KSR2: variants seen among roughly 807,000 people sequenced by gnomAD.
KSR2 encodes kinase suppressor of ras 2.
A neutral mutation model predicts 107.8 loss-of-function variants in KSR2; 25 were observed. The ratio of observed to expected loss-of-function variants is 0.23; its 90% CI spans 0.17 to 0.32. The LOEUF (loss-of-function observed/expected upper bound fraction) is 0.32, where lower values mean the gene tolerates loss of function less well. Among genes scored for constraint, KSR2 ranks in the 10% least tolerant of loss-of-function variants. The probability of loss-of-function intolerance (pLI) is 1.00; values close to 1 mark genes in which losing one functional copy is unlikely to be tolerated. For synonymous variants in KSR2, 480 were observed against 507.0 expected (o/e 0.95, Z 0.71); for missense variants, 887 against 1,268.9 (o/e 0.70, Z 4.57).
At chr12:117,674,422 T>C (rs1565955219) in intron 4 of KSR2, 1 of 455,992 alleles carries the variant, frequency 2.2e-6, no homozygotes, top group East Asian at 7.0e-5. Flanking sequence ...AGCATTAAGT[T>C]CATTCATATT....
chr12:117,479,506 A>G (rs1488552318), intron 16 of KSR2, among the ~76,000 whole-genome samples: 1 of 152,200 alleles, frequency 6.6e-6, no homozygotes, highest in Non-Finnish European at 1.5e-5. Flanking sequence ...GATGGTCAGC[A>G]GCATCCCTGG....
intron 1 of KSR2, among the ~76,000 whole-genome samples, chr12:117,957,300 C>G (rs927880641): frequency 6.6e-6 from 1 of 152,176 alleles, no homozygotes; most frequent in African/African-American, 2.4e-5. Context: ...TGTAAAGGAG[C>G]AACAACCACG....
In KSR2 at chr12:117,907,997, CAAG is replaced by C. The variant is rs1894906358; in HGVS notation, c.181-47569_181-47567del. Among the ~76,000 whole-genome samples the C allele has an allele frequency of 6.6e-6, 1 of 151,822 alleles. No homozygotes were observed. Among genetic ancestry groups the C allele is most frequent in the African/African-American group, 2.4e-5 (1 of 41,300 alleles). On this transcript the variant is annotated intron_variant, in intron 1 of 19. Coordinates refer to ENST00000339824, the MANE Select transcript of KSR2 (RefSeq NM_173598.6). This position sits in a 1 kb window ranked among gnomAD's most constrained non-coding sequence, Gnocchi z 4.3. ...TAAAACTAAAGGGATAATTAGTTTC[CAAG>C]AAGGAAGAATGTAAATAAGAAAAGG...
At chr12:117,843,929 CTTT>C (rs58326707) in intron 3 of KSR2, among the ~76,000 whole-genome samples, 3 of 127,528 alleles carry the variant, frequency 2.4e-5, no homozygotes, top group Non-Finnish European at 1.6e-5. Flanking sequence ...TTAAGCTTCC[CTTT>C]TTTTTTTTTT....
At chr12:117,631,030 T>C (rs1882782987) in intron 5 of KSR2, among the ~76,000 whole-genome samples, 1 of 152,138 alleles carries the variant, frequency 6.6e-6, no homozygotes, top group African/African-American at 2.4e-5. Flanking sequence ...AAATATTTGT[T>C]GAGTAAGCCA....
chr12:117,680,214 C>CT (rs1396029695), intron 4 of KSR2, among the ~76,000 whole-genome samples: 2 of 152,186 alleles, frequency 1.3e-5, no homozygotes, highest in Non-Finnish European at 2.9e-5. Flanking sequence ...GCCACTGTGA[C>CT]TGGGTTATGG....
intron 7 of KSR2, among the ~76,000 whole-genome samples, chr12:117,571,900 T>C (rs773723458): frequency 1.3e-5 from 2 of 152,116 alleles, no homozygotes; most frequent in Non-Finnish European, 2.9e-5. Context: ...CAACTCACTC[T>C]TGGGATGATG....
intron 1 of KSR2, among the ~76,000 whole-genome samples, chr12:117,927,861 C>T (rs1399760979): frequency 1.3e-5 from 2 of 152,106 alleles, no homozygotes; most frequent in Non-Finnish European, 2.9e-5. Context: ...ATAAAATACA[C>T]CATTTAAGTG....
chr12:117,888,349 TC>T (rs1484011995), intron 1 of KSR2, among the ~76,000 whole-genome samples: 1 of 152,164 alleles, frequency 6.6e-6, no homozygotes, highest in African/African-American at 2.4e-5. Context: ...GGACAAATAC[TC>T]TATGACTCCA....
At chr12:117,566,146 C>T (rs189253541) in intron 7 of KSR2, among the ~76,000 whole-genome samples, 2 of 152,116 alleles carry the variant, frequency 1.3e-5, no homozygotes, top group East Asian at 1.9e-4. Flanking sequence ...TCAAGTAGGC[C>T]GCCATGTCTA....
intron 3 of KSR2, among the ~76,000 whole-genome samples, chr12:117,787,510 G>A (rs1205074136): frequency 6.6e-6 from 1 of 152,040 alleles, no homozygotes; most frequent in Non-Finnish European, 1.5e-5. Flanking sequence ...GCACATGCCT[G>A]TAATCCCAGC....
intron 14 of KSR2, among the ~76,000 whole-genome samples, chr12:117,516,161 C>A (rs1874364582): frequency 6.6e-6 from 1 of 152,134 alleles, no homozygotes; most frequent in Non-Finnish European, 1.5e-5. Flanking sequence ...CTCCTCTTTT[C>A]CCCAGATGAC....
chr12:117,800,502 G>T (rs1169717753), intron 3 of KSR2, among the ~76,000 whole-genome samples: 4 of 152,220 alleles, frequency 2.6e-5, no homozygotes, highest in African/African-American at 9.6e-5. Context: ...GAGAAAAGCA[G>T]ATTCCAATAG....
In KSR2 at chr12:117,642,025, G is replaced by A. The variant is rs181886436; in HGVS notation, c.1171+25449C>T. Among the ~76,000 whole-genome samples the A allele has an allele frequency of 4.8e-3, 730 of 152,142 alleles. 5 individuals carry two copies. Among genetic ancestry groups the A allele is most frequent in the African/African-American group, 0.016 (671 of 41,516 alleles). On this transcript the variant is annotated intron_variant, in intron 5 of 19. Coordinates refer to ENST00000339824, the MANE Select transcript of KSR2 (RefSeq NM_173598.6). ...TTAAATGCACTTCCATCCCATCCCC[G>A]TTCATCATCTGGCTGGCCCTACTCA... is the stretch of plus-strand genomic sequence containing the variant.
At chr12:117,737,253 C>T (rs1887981188) in intron 4 of KSR2, among the ~76,000 whole-genome samples, 1 of 152,172 alleles carries the variant, frequency 6.6e-6, no homozygotes, top group African/African-American at 2.4e-5. Flanking sequence ...AGAAACAACT[C>T]CAAGAATAGT....
At chr12:117,760,048 G>T (rs1480128122) in intron 4 of KSR2, among the ~76,000 whole-genome samples, 5 of 152,202 alleles carry the variant, frequency 3.3e-5, no homozygotes, top group African/African-American at 1.2e-4. Context: ...GGCAGAGGTT[G>T]CAGTGAGCTG....
At chr12:117,536,743 T>C (rs1374046819) in intron 10 of KSR2, among the ~76,000 whole-genome samples, 3 of 152,266 alleles carry the variant, frequency 2.0e-5, no homozygotes, top group African/African-American at 7.2e-5. Flanking sequence ...TATTTGGTTA[T>C]ACGGATATAT....
chr12:117,923,115 G>A (rs1039422182), intron 1 of KSR2, among the ~76,000 whole-genome samples: 10 of 152,172 alleles, frequency 6.6e-5, no homozygotes, highest in African/African-American at 2.4e-4. Context: ...AGGCTGGAAT[G>A]TGCCTTACAG....
chr12:117,526,087 A>G (rs1646560979), intron 13 of KSR2, among the ~76,000 whole-genome samples: 1 of 152,194 alleles, frequency 6.6e-6, no homozygotes, highest in Admixed American at 6.5e-5. Flanking sequence ...CATCTGTATT[A>G]AACACCGACT....
Sources: allele counts gnomAD v4.1 joint callset (sites outside exome capture counted in the v4.1 genomes callset), GRCh38; gene constraint gnomAD v4.1.1; non-coding constraint Gnocchi (gnomAD v3.1); transcripts MANE v1.5; gene names NCBI Gene and HGNC (gene_info 2026-07-23, HGNC 2026-07-21).